Variants in ANKFY1 observed in about 807,000 individuals in gnomAD.
The protein encoded by ANKFY1 is ankyrin repeat and FYVE domain-containing protein 1.
ANKFY1 carries 47 observed loss-of-function variants against 128.3 expected under a neutral mutation model. That is an observed-to-expected ratio of 0.37 (90% CI 0.29 to 0.47). The LOEUF (loss-of-function observed/expected upper bound fraction) is 0.47, where lower values mean the gene tolerates loss of function less well. ANKFY1 is among the 20% of genes least tolerant of loss of function. ANKFY1 has a pLI of 1.00. For synonymous variants in ANKFY1, 553 were observed against 601.6 expected (o/e 0.92, Z 1.18); for missense variants, 1,222 against 1,510.6 (o/e 0.81, Z 3.17).
intron 24 of ANKFY1, chr17:4,168,134 C>CTTTTTTTTT: frequency 4.5e-6 from 1 of 222,616 alleles, no homozygotes; most frequent in Non-Finnish European, 8.7e-6. Context: ...CTGAAGAAGG[C>CTTTTTTTTT]TTTTTTTTTT....
rs1207927045 is a variant in ANKFY1 at position 4,238,149 on chromosome 17, A to AT, written c.204-2260dup. ...CAGAGTGAGACTCTGTCTCTTATTT[A>AT]TTTAAAAAAAAAAAAAAAAAAAAAA... On this transcript the variant is annotated intron_variant, in intron 2 of 24. Transcript: ENST00000341657. Among the ~76,000 whole-genome samples the AT allele has an allele frequency of 7.2e-3, 594 of 82,624 alleles. 4 individuals are homozygous for AT. The highest frequency in any genetic ancestry group is 0.027 in the African/African-American group (574 of 21,348). The allele number at this position is 82,624 out of a possible 152,430, so 54.2% of individuals were successfully genotyped here.
In ANKFY1 at chr17:4,209,906, C is replaced by T; in HGVS notation, c.500G>A (p.Cys167Tyr). The change falls in exon 5 of 25, where the codon TGT (cysteine) becomes TAT (tyrosine). Residue 167 changes from cysteine (C) to tyrosine (Y), a missense_variant. By Grantham distance (194) the Cys-to-Tyr change is radical. Coordinates refer to ENST00000341657, the MANE Select transcript of ANKFY1 (RefSeq NM_001330063.2). The part of the protein sequence containing the change: ...GVMSLVNVRN[C>Y]IRFYQTAEEL... ...CTCTGCCGTCTGGTAGAAGCGAATACAGTTCCTGACATTCACTAGAGACAT... is the reference window on the plus strand; with the variant it reads ...CTCTGCCGTCTGGTAGAAGCGAATATAGTTCCTGACATTCACTAGAGACAT... 1 of 1,613,838 alleles carries T rather than the reference C, an allele frequency of 6.2e-7. No individual in the cohort carries two copies. The highest frequency in any genetic ancestry group is 8.5e-7 in the Non-Finnish European group (1 of 1,179,742).
intron 2 of ANKFY1, among the ~76,000 whole-genome samples, chr17:4,239,689 C>T (rs969378759): frequency 6.6e-6 from 1 of 152,124 alleles, no homozygotes; most frequent in Non-Finnish European, 1.5e-5. Context: ...CAGGCGCGTG[C>T]CACCACATGT....
chr17:4,251,543 A>C (rs1415158276), intron 1 of ANKFY1, among the ~76,000 whole-genome samples: 1 of 151,390 alleles, frequency 6.6e-6, no homozygotes, highest in Non-Finnish European at 1.5e-5. Context: ...ATTAAAAAAA[A>C]AAAAAACAAA....
chr17:4,246,932 T>C (rs969122353), intron 1 of ANKFY1, among the ~76,000 whole-genome samples: 2 of 151,792 alleles, frequency 1.3e-5, no homozygotes, highest in Non-Finnish European at 2.9e-5. Flanking sequence ...GGCAACATGG[T>C]GAAACCCCGT....
intron 19 of ANKFY1, among the ~76,000 whole-genome samples, chr17:4,176,199 G>A (rs1281666221): frequency 1.3e-5 from 2 of 152,174 alleles, no homozygotes; most frequent in African/African-American, 4.8e-5. Context: ...CTCCCAAGGC[G>A]CCTTCTTCAA....
Position 4,178,809 on chromosome 17 carries a change from C to A in ANKFY1, c.2598+48G>T, listed in dbSNP as rs1211997875. On this transcript the variant is annotated intron_variant, in intron 18 of 24. Coordinates refer to ENST00000341657, the MANE Select transcript of ANKFY1 (RefSeq NM_001330063.2). This position sits in a 1 kb window ranked among gnomAD's most constrained non-coding sequence, Gnocchi z 4.1. ...GTGACATCTGTCTAGTCTCCAGGTT[C>A]CGCGACGCCCAGGACCATGTGGAGA... is the stretch of plus-strand genomic sequence containing the variant. 1 of 1,577,580 alleles carries A rather than the reference C, an allele frequency of 6.3e-7. No homozygotes were observed. The highest frequency in any genetic ancestry group is 1.1e-5 in the South Asian group (1 of 89,718).
At chr17:4,252,103 C>G (rs969091364) in intron 1 of ANKFY1, among the ~76,000 whole-genome samples, 1 of 150,502 alleles carries the variant, frequency 6.6e-6, no homozygotes, top group Admixed American at 6.6e-5. Flanking sequence ...TAAGACAACC[C>G]GATAAAAAAG....
intron 11 of ANKFY1, among the ~76,000 whole-genome samples, chr17:4,185,540 C>T (rs897779046): frequency 8.6e-5 from 13 of 151,990 alleles, no homozygotes; most frequent in African/African-American, 3.1e-4. Context: ...CTGTGTTGCC[C>T]AGGCTGGACT....
In ANKFY1 at chr17:4,207,957, C is replaced by T. The variant is rs1280472043; in HGVS notation, c.708G>A (p.Leu236=). 12 of 1,605,858 alleles carry T rather than the reference C, an allele frequency of 7.5e-6. No homozygotes were observed. The highest frequency in any genetic ancestry group is 1.0e-5 in the Non-Finnish European group (12 of 1,176,616). The change falls in exon 6 of 25, where the codon CTG becomes CTA. Residue 236 remains leucine (L), a synonymous_variant. Transcript: ENST00000341657. ...IKVEREDVVF[L]YLIEMDSQLP... ...CCTGGGAATCCATTTCAATCAGATA[C>T]AGGAAGACCACGTCTTCTCTCTCCA... is the stretch of plus-strand genomic sequence containing the variant.
intron 2 of ANKFY1, among the ~76,000 whole-genome samples, chr17:4,239,049 C>T (rs545924005): frequency 2.6e-5 from 4 of 152,310 alleles, no homozygotes; most frequent in Non-Finnish European, 4.4e-5. Context: ...TGAGCCACCA[C>T]GCCCGGCCTA....
intron 3 of ANKFY1, among the ~76,000 whole-genome samples, chr17:4,219,717 A>AAAAAAGAAAAAG (rs967607903): frequency 6.6e-6 from 1 of 152,206 alleles, no homozygotes; most frequent in African/African-American, 2.4e-5. Flanking sequence ...AAAAGTAAAA[A>AAAAAAGAAAAAG]AAAAAGAAAA....
At position 4,240,402 on chromosome 17, in the gene ANKFY1, A is replaced by AT. The variant is rs1555637477; in HGVS notation, c.203+1853dup. Among the ~76,000 whole-genome samples, 240 of 149,548 alleles carry AT rather than the reference A, an allele frequency of 1.6e-3. 1 individual carries two copies. The highest frequency in any genetic ancestry group is 5.4e-3 in the African/African-American group (219 of 40,542). ...TTAATCTTTATTTATTTATTTATTT[A>AT]TTTTTTTAAGACAGGGTCTCTCTCT... On this transcript the variant is annotated intron_variant, in intron 2 of 24. Coordinates refer to ENST00000341657, the MANE Select transcript of ANKFY1 (RefSeq NM_001330063.2).
chr17:4,194,769 T>C (rs1000753297), intron 10 of ANKFY1: 1 of 568,366 alleles, frequency 1.8e-6, no homozygotes, highest in Non-Finnish European at 3.1e-6. Context: ...GAAGTTTCAG[T>C]TTCAGGGACT....
At chr17:4,214,523 CT>C (rs61260385) in intron 4 of ANKFY1, among the ~76,000 whole-genome samples, 4,462 of 136,140 alleles carry the variant, frequency 0.033, 134 homozygotes, top group African/African-American at 0.11. Flanking sequence ...ATAAACCTAA[CT>C]TTTTTTTTTT....
At chr17:4,244,506 A>G (rs1967427583) in intron 1 of ANKFY1, among the ~76,000 whole-genome samples, 2 of 152,038 alleles carry the variant, frequency 1.3e-5, no homozygotes, top group Admixed American at 1.3e-4. Flanking sequence ...ACGGCTCCAC[A>G]CTGCTGCTAC....
At chr17:4,218,147 T>C (rs945508522) in intron 3 of ANKFY1, among the ~76,000 whole-genome samples, 1 of 152,236 alleles carries the variant, frequency 6.6e-6, no homozygotes, top group Non-Finnish European at 1.5e-5. Flanking sequence ...AGAGTACATT[T>C]TTTTATCTCT....
intron 3 of ANKFY1, among the ~76,000 whole-genome samples, chr17:4,233,323 T>C (rs977961428): frequency 1.3e-5 from 2 of 152,120 alleles, no homozygotes; most frequent in Admixed American, 6.5e-5. Flanking sequence ...CATAATTCTG[T>C]TATATATGAG....
chr17:4,251,763 C>A (rs1967845093), intron 1 of ANKFY1, among the ~76,000 whole-genome samples: 1 of 151,886 alleles, frequency 6.6e-6, no homozygotes, highest in South Asian at 2.1e-4. Context: ...CAAAAAACGC[C>A]TCATTCCCAG....
Sources: allele counts gnomAD v4.1 joint callset (sites outside exome capture counted in the v4.1 genomes callset), GRCh38; gene constraint gnomAD v4.1.1; non-coding constraint Gnocchi (gnomAD v3.1); transcripts MANE v1.5; gene names NCBI Gene and HGNC (gene_info 2026-07-23, HGNC 2026-07-21).